The following TSHZ3 variants were observed in gnomAD, a reference collection of about 807,000 sequenced individuals.
TSHZ3 encodes the protein teashirt zinc finger homeobox 3, also known as teashirt homolog 3.
TSHZ3 carries 10 observed loss-of-function variants against 64.5 expected under a neutral mutation model. The ratio of observed to expected loss-of-function variants is 0.16; its 90% CI spans 0.10 to 0.26. The LOEUF (loss-of-function observed/expected upper bound fraction) is 0.26. TSHZ3 is among the 10% of genes least tolerant of loss of function. TSHZ3 has a pLI of 1.00. For synonymous variants in TSHZ3, 608 were observed against 593.1 expected, an observed-to-expected ratio of 1.03 and a Z score of -0.36; for missense variants, 1,242 against 1,421.7, an observed-to-expected ratio of 0.87 and a Z score of 2.03.
chr19:31,304,163 C>CG (rs1568375180), intron 1 of TSHZ3, among the ~76,000 whole-genome samples: 1 of 152,016 alleles, frequency 6.6e-6, no homozygotes, highest in Non-Finnish European at 1.5e-5. Context: ...TTAGTAGAGA[C>CG]GGGGTTTCAC....
intron 5 of TSHZ3, among the ~76,000 whole-genome samples, chr19:31,164,876 G>T (rs1192274758): frequency 6.6e-6 from 1 of 152,192 alleles, no homozygotes; most frequent in African/African-American, 2.4e-5. Context: ...TGAAGTGGCC[G>T]ATTGGACCAG....
At chr19:31,282,573 C>T (rs1381445284) in intron 1 of TSHZ3, among the ~76,000 whole-genome samples, 1 of 152,128 alleles carries the variant, frequency 6.6e-6, no homozygotes, top group African/African-American at 2.4e-5. Flanking sequence ...ACTGCACAAG[C>T]ACCAAACCAG....
intron 1 of TSHZ3, among the ~76,000 whole-genome samples, chr19:31,262,468 A>G (rs1242848955): frequency 6.6e-6 from 1 of 152,240 alleles, no homozygotes; most frequent in Non-Finnish European, 1.5e-5. Context: ...CAGATCAAGA[A>G]GAAAAAGTCA....
intron 5 of TSHZ3, among the ~76,000 whole-genome samples, chr19:31,181,430 G>T (rs545255728): frequency 6.6e-6 from 1 of 152,088 alleles, no homozygotes; most frequent in African/African-American, 2.4e-5. Flanking sequence ...AGAGAAGAAG[G>T]GTTTTCTCCA....
chr19:31,308,162 G>A (rs773254776), intron 1 of TSHZ3, among the ~76,000 whole-genome samples: 15 of 152,098 alleles, frequency 9.9e-5, no homozygotes, highest in South Asian at 2.1e-4. Flanking sequence ...CAACAGTCTC[G>A]GGGCTGCTTC....
intron 1 of TSHZ3, among the ~76,000 whole-genome samples, chr19:31,336,656 C>T (rs541581310): frequency 1.8e-4 from 27 of 152,250 alleles, no homozygotes; most frequent in African/African-American, 5.3e-4. Context: ...TCCAGTTCTT[C>T]GGGGTCTGAG....
At chr19:31,156,258 G>A (rs1599551085) in intron 6 of TSHZ3, among the ~76,000 whole-genome samples, 2 of 152,150 alleles carry the variant, frequency 1.3e-5, no homozygotes, top group East Asian at 3.9e-4. Context: ...GCACGTAATA[G>A]GTATTCAATA....
At chr19:31,224,057 C>T (rs1320125385) in intron 4 of TSHZ3, among the ~76,000 whole-genome samples, 1 of 152,212 alleles carries the variant, frequency 6.6e-6, no homozygotes, top group Non-Finnish European at 1.5e-5. Flanking sequence ...ATTCTTTGGC[C>T]TTGGAGCACA....
At chr19:31,167,210 A>G (rs1011197730) in intron 5 of TSHZ3, among the ~76,000 whole-genome samples, 2 of 152,242 alleles carry the variant, frequency 1.3e-5, no homozygotes, top group Admixed American at 6.5e-5. Context: ...AAAGTAATTT[A>G]ACATCTGCTG....
chr19:31,207,626 A>G (rs1478835773), intron 4 of TSHZ3: 1 of 152,204 alleles, frequency 6.6e-6, no homozygotes, highest in Admixed American at 6.5e-5. Context: ...TACAATGGAA[A>G]CTTGTAATAA....
At chr19:31,247,406 T>C (rs186993417) in intron 1 of TSHZ3, among the ~76,000 whole-genome samples, 7 of 152,194 alleles carry the variant, frequency 4.6e-5, no homozygotes, top group Admixed American at 3.9e-4. Flanking sequence ...ACCATTTTGG[T>C]GGTATTTCTG....
chr19:31,211,735 G>A (rs770739605), intron 4 of TSHZ3, among the ~76,000 whole-genome samples: 11 of 152,300 alleles, frequency 7.2e-5, no homozygotes, highest in Non-Finnish European at 1.5e-4. Flanking sequence ...AGTGAGGAGC[G>A]GGGAGTGTGG....
At chr19:31,185,468 G>C (rs902054937) in intron 5 of TSHZ3, among the ~76,000 whole-genome samples, 1 of 152,208 alleles carries the variant, frequency 6.6e-6, no homozygotes, top group African/African-American at 2.4e-5. Flanking sequence ...AATCCTCTAT[G>C]GTGAACAGAG....
intron 1 of TSHZ3, among the ~76,000 whole-genome samples, chr19:31,340,104 C>T (rs1168981920): frequency 6.6e-6 from 1 of 151,900 alleles, no homozygotes; most frequent in East Asian, 1.9e-4. Context: ...CCTCGCCCTC[C>T]CCCTTTCATT....
rs370965701 is a variant in TSHZ3, at chr19:31,248,813, GGAAAAA to G, written n.64-5944_64-5939del. On this transcript the variant is annotated intron_variant and non_coding_transcript_variant, in intron 1 of 6. Coordinates refer to the TSHZ3 transcript ENST00000651361. Reference sequence around the variant, plus strand: ...GAAAAAAAAAAAAAAAGAAGAAGAAGGAAAAAGAAAAAGAAAAAGAAAAATATCTGG... The same window carrying G: ...GAAAAAAAAAAAAAAAGAAGAAGAAGGAAAAAGAAAAAGAAAAATATCTGG... 3.3e-3 allele frequency among the ~76,000 whole-genome samples: 496 copies of G among 149,506 alleles called. 2 individuals are homozygous for G. The highest frequency in any genetic ancestry group is 0.011 in the African/African-American group (450 of 40,568).
chr19:31,334,174 G>A (rs993347757), intron 1 of TSHZ3, among the ~76,000 whole-genome samples: 5 of 152,106 alleles, frequency 3.3e-5, no homozygotes, highest in Admixed American at 1.3e-4. Context: ...GTCACGTAGG[G>A]GAGGGTCCAC....
At chr19:31,163,709 T>C (rs6510186) in intron 5 of TSHZ3, among the ~76,000 whole-genome samples, 112,866 of 152,056 alleles carry the variant, frequency 0.74, 42,123 homozygotes, top group African/African-American at 0.82. Flanking sequence ...CCAATCTGGG[T>C]GACAGAATGG....
At chr19:31,167,682 C>T (rs993757252) in intron 5 of TSHZ3, 7 of 152,198 alleles carry the variant, frequency 4.6e-5, no homozygotes, top group Admixed American at 1.3e-4. Flanking sequence ...TCTGTTTGCT[C>T]AGTGGCAGTC....
intron 5 of TSHZ3, among the ~76,000 whole-genome samples, chr19:31,160,048 A>G (rs1247980049): frequency 6.6e-6 from 1 of 152,132 alleles, no homozygotes; most frequent in Non-Finnish European, 1.5e-5. Flanking sequence ...AAATAATACT[A>G]CGATAGCTCA....
Sources: allele counts gnomAD v4.1 joint callset (sites outside exome capture counted in the v4.1 genomes callset), GRCh38; gene constraint gnomAD v4.1.1; transcripts MANE v1.5; gene names NCBI Gene and HGNC (gene_info 2026-07-23, HGNC 2026-07-21).